Variants in PCDHA1 observed in about 807,000 individuals in gnomAD.
The protein encoded by PCDHA1 is protocadherin alpha 1.
In PCDHA1, 42 loss-of-function variants were observed where a neutral mutation model predicts 61.3. That is an observed-to-expected ratio of 0.69 (90% CI 0.54 to 0.89). PCDHA1 has a LOEUF of 0.89. PCDHA1 is among the 40% of genes least tolerant of loss of function. The pLI is 0.00. For missense variants in PCDHA1, 1,256 were observed against 1,235.3 expected (o/e 1.02, Z -0.25); for synonymous variants, 610 against 553.8 (o/e 1.10, Z -1.43).
chr5:141,010,152 T>C lies in PCDHA1; in HGVS notation c.*215T>C. The C allele has an allele frequency of 1.3e-6, 2 of 1,575,858 alleles. No individual in the cohort carries two copies. The highest frequency in any genetic ancestry group is 1.7e-6 in the Non-Finnish European group (2 of 1,159,570). On this transcript the variant is annotated 3_prime_UTR_variant, in exon 4 of 4. Coordinates refer to ENST00000504120, the MANE Select transcript of PCDHA1 (RefSeq NM_018900.4). ...TGGTGTTAACTCTTTCTCTCCACTCTGGCTTGTTTTCAGAACCTAAAAAGC... is the reference window on the plus strand; with the variant it reads ...TGGTGTTAACTCTTTCTCTCCACTCCGGCTTGTTTTCAGAACCTAAAAAGC...
rs147378308 is a variant in PCDHA1, at chr5:140,807,215, G to A, written c.2394+18531G>A. 1.2e-6 allele frequency: 2 copies of A among 1,613,970 alleles called. No individual in the cohort carries two copies. The highest frequency in any genetic ancestry group is 1.7e-6 in the Non-Finnish European group (2 of 1,179,870). ...GGAGTTTTCCTGGGGAAGCGGCCAG[G>A]AATCCCGGCGTCTGCTGCTCTTACT... On this transcript the variant is annotated intron_variant, in intron 1 of 3. Transcript: ENST00000504120.
rs539900578 is a variant in PCDHA1, at chr5:140,868,861, T to C, written c.2394+80177T>C. Reference sequence around the variant, plus strand: ...ACACGTGAAATTCTGTGGTGGTAAATGCAGTGCACAGTACTCACAGTTTTA... The same window carrying C: ...ACACGTGAAATTCTGTGGTGGTAAACGCAGTGCACAGTACTCACAGTTTTA... On this transcript the variant is annotated intron_variant, in intron 1 of 3. Coordinates refer to ENST00000504120, the MANE Select transcript of PCDHA1 (RefSeq NM_018900.4). 7 of 525,402 alleles carry C rather than the reference T, an allele frequency of 1.3e-5. No homozygotes were observed. In the Admixed American group the frequency reaches 2.2e-4, roughly 17 times the overall value. 32.5% of individuals were successfully genotyped at this position (525,402 alleles called of 1,614,324 possible). A position where few individuals can be genotyped will look rare whatever the true frequency, so the allele number is the denominator to read the frequency against.
chr5:140,854,428 A>G (rs1402946580), intron 1 of PCDHA1: 1 of 151,142 alleles, frequency 6.6e-6, no homozygotes, highest in Non-Finnish European at 1.5e-5. Context: ...TAAAATCAGA[A>G]TTTGAATGAA....
intron 1 of PCDHA1, chr5:140,863,394 G>A (rs1342756414): frequency 2.2e-6 from 2 of 929,190 alleles, no homozygotes; most frequent in South Asian, 1.3e-5. Context: ...CGTGCATGCC[G>A]GGCAAGCCCA....
chr5:140,963,766 A>G (rs574963836), intron 1 of PCDHA1, among the ~76,000 whole-genome samples: 1 of 152,372 alleles, frequency 6.6e-6, no homozygotes, highest in South Asian at 2.1e-4. Flanking sequence ...GTTGTATTTC[A>G]TGACGACAGC....
intron 1 of PCDHA1, chr5:140,876,828 G>T: frequency 1.2e-6 from 2 of 1,614,170 alleles, no homozygotes; most frequent in Non-Finnish European, 1.7e-6. Context: ...ACGACAATGC[G>T]CCTGCGTTCG....
intron 1 of PCDHA1, among the ~76,000 whole-genome samples, chr5:140,855,264 T>C (rs560224323): frequency 1.3e-5 from 2 of 149,870 alleles, no homozygotes; most frequent in South Asian, 4.2e-4. Context: ...TATATTATAA[T>C]TCACTCAACC....
chr5:140,878,802 A>T (rs2057733011), intron 1 of PCDHA1, among the ~76,000 whole-genome samples: 1 of 152,224 alleles, frequency 6.6e-6, no homozygotes, highest in Non-Finnish European at 1.5e-5. Context: ...TTTTAAAAAC[A>T]TATGGGGGTC....
At position 140,825,344 on chromosome 5, in the gene PCDHA1, A is replaced by G. The variant is rs1426707045; in HGVS notation, c.2394+36660A>G. ...TGGAAATTTGCATATTTTTCAATATATCTAATATATATTAGATATATAAAT... is the reference window on the plus strand; with the variant it reads ...TGGAAATTTGCATATTTTTCAATATGTCTAATATATATTAGATATATAAAT... On this transcript the variant is annotated intron_variant, in intron 1 of 3. Transcript: ENST00000504120. 2.0e-5 allele frequency: 3 copies of G among 147,914 alleles called. No individual in the cohort carries two copies. In the East Asian group the frequency reaches 5.8e-4, roughly 29 times the overall value. The allele number at this position is 147,914 out of a possible 1,614,324, so 9.2% of individuals were successfully genotyped here.
intron 3 of PCDHA1, among the ~76,000 whole-genome samples, chr5:141,000,510 C>G (rs1197965439): frequency 5.6e-5 from 8 of 143,864 alleles, no homozygotes; most frequent in South Asian, 4.5e-4. Context: ...TCACTGCAAC[C>G]TCCTTCTCCA....
At chr5:140,884,188 G>C in intron 1 of PCDHA1, 1 of 1,613,436 alleles carries the variant, frequency 6.2e-7, no homozygotes, top group Middle Eastern at 1.7e-4. Flanking sequence ...TGGACGAGGT[G>C]GACGCGCCGC....
chr5:140,843,757 G>A, intron 1 of PCDHA1: 1 of 1,504,904 alleles, frequency 6.6e-7, no homozygotes, highest in Non-Finnish European at 9.1e-7. Context: ...TCTATTTGTG[G>A]AAATTGTAGT....
chr5:140,831,986 C>G (rs915163215), intron 1 of PCDHA1, among the ~76,000 whole-genome samples: 1 of 152,134 alleles, frequency 6.6e-6, no homozygotes, highest in African/African-American at 2.4e-5. Flanking sequence ...ACTCTCATTA[C>G]GGATTCCATA....
At chr5:140,968,349 G>A (rs1554230631) in intron 1 of PCDHA1, 2 of 1,614,128 alleles carry the variant, frequency 1.2e-6, no homozygotes, top group Admixed American at 3.3e-5. Context: ...AACAGTGCCA[G>A]TGGCAGCCTT....
intron 1 of PCDHA1, among the ~76,000 whole-genome samples, chr5:140,904,556 T>A (rs1360933277): frequency 5.3e-5 from 8 of 151,780 alleles, no homozygotes; most frequent in Admixed American, 5.3e-4. Context: ...ATATAATGAC[T>A]TTTTTTTCCT....
chr5:140,928,177 A>G lies in PCDHA1; in HGVS notation c.2395-50772A>G, dbSNP rs781987562. Reference sequence around the variant, plus strand: ...TGGCTCACCCCCACTTAGCACCCGAAGGACAATCACTGTGTCAGTTGCTGA... The same window carrying G: ...TGGCTCACCCCCACTTAGCACCCGAGGGACAATCACTGTGTCAGTTGCTGA... On this transcript the variant is annotated intron_variant, in intron 1 of 3. Transcript: ENST00000504120. 8.7e-6 allele frequency: 14 copies of G among 1,614,218 alleles called. No homozygotes were observed. The East Asian group carries it at 2.7e-4, about 31-fold the overall frequency.
rs1554129359 is a variant in PCDHA1, at chr5:140,823,461, G to T, written c.2394+34777G>T. The T allele has an allele frequency of 2.5e-6, 4 of 1,613,324 alleles. No homozygotes were observed. The African/African-American group carries it at 4.0e-5, about 16-fold the overall frequency. ...TGCTGGACGAGAACGACAACGCGCC[G>T]GCGCTGCTGGTGCCTCGAGTGGGTG... is the stretch of plus-strand genomic sequence containing the variant. On this transcript the variant is annotated intron_variant, in intron 1 of 3. Transcript: ENST00000504120.
chr5:140,809,526 G>C, intron 1 of PCDHA1: 1 of 1,614,078 alleles, frequency 6.2e-7, no homozygotes, highest in Non-Finnish European at 8.5e-7. Context: ...CCTGACTCTA[G>C]GGACAGAGAA....
chr5:140,929,440 CCTT>C, intron 1 of PCDHA1: 2 of 1,448,524 alleles, frequency 1.4e-6, no homozygotes, highest in Non-Finnish European at 1.8e-6. Flanking sequence ...ACTAAACACT[CCTT>C]CTTAGCACTT....
Sources: allele counts gnomAD v4.1 joint callset (sites outside exome capture counted in the v4.1 genomes callset), GRCh38; gene constraint gnomAD v4.1.1; transcripts MANE v1.5; gene names NCBI Gene and HGNC (gene_info 2026-07-23, HGNC 2026-07-21).